Variants in WDPCP observed in about 807,000 individuals in gnomAD.
WDPCP encodes WD repeat-containing and planar cell polarity effector protein fritz homolog.
WDPCP carries 71 observed loss-of-function variants against 93.1 expected under a neutral mutation model. The ratio of observed to expected loss-of-function variants is 0.76; its 90% CI spans 0.63 to 0.93. The LOEUF is 0.93. Ranked by LOEUF, WDPCP falls within the 40% of genes least tolerant of loss-of-function variation. WDPCP has a pLI of 0.00. For missense variants in WDPCP, 844 were observed against 887.4 expected (o/e 0.95, Z 0.62); for synonymous variants, 315 against 315.0 (o/e 1.00, Z 0.00).
chr2:63,515,643 G>C (rs1702502290), intron 1 of WDPCP, among the ~76,000 whole-genome samples: 1 of 152,292 alleles, frequency 6.6e-6, no homozygotes, highest in Non-Finnish European at 1.5e-5. Flanking sequence ...TTTTATGTTT[G>C]ATCAAGGAGA....
chr2:63,416,783 A>G (rs915962798), intron 9 of WDPCP, among the ~76,000 whole-genome samples: 3 of 152,156 alleles, frequency 2.0e-5, no homozygotes, highest in Non-Finnish European at 4.4e-5. Flanking sequence ...TGGCCTCCCA[A>G]AGTGCTGGGA....
rs867125240 is a variant in WDPCP at position 63,197,138 on chromosome 2, C to A, written c.1916-22306G>T. The stretch of plus-strand genomic sequence containing the variant: ...TTCTGCCTCTGCCACCCCAAGACAG[C>A]AATACCCACCCCTCCTCTTCCTCCT... On this transcript the variant is annotated intron_variant, in intron 14 of 17. Coordinates refer to ENST00000272321, the MANE Select transcript of WDPCP (RefSeq NM_015910.7). Among the ~76,000 whole-genome samples, 7 of 152,288 alleles carry A rather than the reference C, an allele frequency of 4.6e-5. No individual in the cohort carries two copies. In the South Asian group the frequency reaches 1.2e-3, roughly 27 times the overall value.
At chr2:63,330,867 C>CTTTTTT (rs70965119) in intron 12 of WDPCP, among the ~76,000 whole-genome samples, 4 of 86,868 alleles carry the variant, frequency 4.6e-5, no homozygotes, top group Non-Finnish European at 6.6e-5. Flanking sequence ...TTCCCCAAGG[C>CTTTTTT]TTTTTTTTTT....
At chr2:63,514,433 C>G (rs1173183431) in intron 1 of WDPCP, among the ~76,000 whole-genome samples, 1 of 152,122 alleles carries the variant, frequency 6.6e-6, no homozygotes, top group Non-Finnish European at 1.5e-5. Context: ...CGTTTAACTA[C>G]ATGGGTTGCA....
At chr2:63,423,066 A>C (rs1223193729) in intron 9 of WDPCP, among the ~76,000 whole-genome samples, 1 of 152,236 alleles carries the variant, frequency 6.6e-6, no homozygotes, top group Non-Finnish European at 1.5e-5. Context: ...GAAGAGGTTA[A>C]GATCATGACA....
At chr2:63,246,393 T>C (rs1178633194) in intron 14 of WDPCP, among the ~76,000 whole-genome samples, 1 of 152,182 alleles carries the variant, frequency 6.6e-6, no homozygotes, top group African/African-American at 2.4e-5. Flanking sequence ...TCTGCTCATC[T>C]TCCATCTGAA....
Position 63,594,623 on chromosome 2 carries a change from G to A in WDPCP, n.488+56036C>T, listed in dbSNP as rs544404343. 4.0e-3 allele frequency: 5,469 copies of A among 1,376,874 alleles called. 250 individuals are homozygous for A. The South Asian group carries it at 0.063, about 16-fold the overall frequency. 85.3% of individuals were successfully genotyped at this position (1,376,874 alleles called of 1,614,324 possible). On this transcript the variant is annotated intron_variant and non_coding_transcript_variant, in intron 3 of 4. Transcript: ENST00000467687. Reference sequence around the variant, plus strand: ...TGTCTATAAATCTTAAGTTATTAGAGTAAGAATATGGTTAATAAAAATCTG... The same window carrying A: ...TGTCTATAAATCTTAAGTTATTAGAATAAGAATATGGTTAATAAAAATCTG...
chr2:63,368,121 T>C (rs1412390054), intron 12 of WDPCP, among the ~76,000 whole-genome samples: 1 of 152,084 alleles, frequency 6.6e-6, no homozygotes, highest in East Asian at 1.9e-4. Flanking sequence ...CTTTTTTAGT[T>C]ACACATGCAT....
intron 14 of WDPCP, among the ~76,000 whole-genome samples, chr2:63,230,626 A>G (rs1194808770): frequency 1.3e-5 from 2 of 152,144 alleles, no homozygotes; most frequent in Non-Finnish European, 2.9e-5. Flanking sequence ...AGTGACCGCC[A>G]TTCTAACTGG....
intron 12 of WDPCP, among the ~76,000 whole-genome samples, chr2:63,330,330 T>C (rs1687885216): frequency 6.6e-6 from 1 of 152,206 alleles, no homozygotes; most frequent in African/African-American, 2.4e-5. Flanking sequence ...TCCTGATAAT[T>C]AGTAATGTCA....
chr2:63,472,344 TTTA>T (rs1257567335), intron 6 of WDPCP, among the ~76,000 whole-genome samples: 1 of 151,880 alleles, frequency 6.6e-6, no homozygotes, highest in South Asian at 2.1e-4. Context: ...GAAATTTTCT[TTTA>T]TTATTTCTTT....
chr2:63,124,941 TTC>T (rs1290603759), intron 17 of WDPCP, among the ~76,000 whole-genome samples: 4 of 152,128 alleles, frequency 2.6e-5, no homozygotes, highest in Non-Finnish European at 4.4e-5. Flanking sequence ...TATGATTAAC[TTC>T]TCTGATTCCC....
At chr2:63,560,464 A>C (rs914435603) in intron 1 of WDPCP, among the ~76,000 whole-genome samples, 17 of 152,162 alleles carry the variant, frequency 1.1e-4, no homozygotes, top group African/African-American at 3.9e-4. Context: ...TCTGATCTTC[A>C]ACAAACCTGA....
chr2:63,409,334 C>T (rs904609690), intron 9 of WDPCP, among the ~76,000 whole-genome samples: 2 of 152,114 alleles, frequency 1.3e-5, no homozygotes, highest in African/African-American at 4.8e-5. Context: ...GAAGCCACAT[C>T]CATAGGAAGA....
chr2:63,331,345 TG>T (rs1334649154), intron 12 of WDPCP, among the ~76,000 whole-genome samples: 2 of 152,216 alleles, frequency 1.3e-5, no homozygotes, highest in African/African-American at 4.8e-5. Context: ...AATGATTTAA[TG>T]TTTTGGCCTG....
intron 2 of WDPCP, among the ~76,000 whole-genome samples, chr2:63,788,262 T>C (rs1176065924): frequency 1.3e-5 from 2 of 152,004 alleles, no homozygotes; most frequent in Admixed American, 6.6e-5. Flanking sequence ...TCAAGTACCA[T>C]AAAAAAACAA....
chr2:63,482,913 G>A (rs1423331816), intron 6 of WDPCP, among the ~76,000 whole-genome samples: 5 of 151,862 alleles, frequency 3.3e-5, no homozygotes, highest in South Asian at 2.1e-4. Context: ...CTGATTAACC[G>A]ATTAGATTAC....
chr2:63,806,613 A>T (rs1670770245), intron 2 of WDPCP, among the ~76,000 whole-genome samples: 2 of 152,076 alleles, frequency 1.3e-5, no homozygotes, highest in Admixed American at 6.5e-5. Context: ...GCTATGGGAG[A>T]CGAGTCTATC....
At chr2:63,357,435 T>A (rs150712404) in intron 12 of WDPCP, among the ~76,000 whole-genome samples, 2,279 of 151,984 alleles carry the variant, frequency 0.015, 63 homozygotes, top group African/African-American at 0.052. Flanking sequence ...AACAACTCCA[T>A]TAAAAAGTGG....
Sources: allele counts gnomAD v4.1 joint callset (sites outside exome capture counted in the v4.1 genomes callset), GRCh38; gene constraint gnomAD v4.1.1; transcripts MANE v1.5; gene names NCBI Gene and HGNC (gene_info 2026-07-23, HGNC 2026-07-21).